Variants in UNC13A observed in about 807,000 individuals in gnomAD.
The protein encoded by UNC13A is unc-13 homolog A, also known as protein unc-13 homolog A.
UNC13A carries 61 observed loss-of-function variants against 219.7 expected under a neutral mutation model. The ratio of observed to expected loss-of-function variants is 0.28; its 90% confidence interval spans 0.23 to 0.34. The LOEUF (loss-of-function observed/expected upper bound fraction) is 0.34, where lower values mean the gene tolerates loss of function less well. UNC13A is among the 10% of genes least tolerant of loss of function. UNC13A has a pLI of 1.00. For synonymous variants in UNC13A, 920 were observed against 884.6 expected (o/e 1.04, Z -0.71); for missense variants, 1,476 against 2,270.3 (o/e 0.65, Z 7.11).
intron 19 of UNC13A, among the ~76,000 whole-genome samples, chr19:17,643,247 G>A (rs1214196296): frequency 6.6e-6 from 1 of 151,982 alleles, no homozygotes; most frequent in African/African-American, 2.4e-5. Flanking sequence ...CCTTACCTCA[G>A]GTGATCCACC....
At chr19:17,640,359 A>C (rs1217814744) in intron 22 of UNC13A, among the ~76,000 whole-genome samples, 152 bp downstream of exon 22, 3 of 152,160 alleles carry the variant, frequency 2.0e-5, no homozygotes, top group Non-Finnish European at 4.4e-5. Flanking sequence ...AGCATTCTAC[A>C]GAGGAATAAA....
In UNC13A at chr19:17,658,042, C is replaced by T; in HGVS notation, c.767+20G>A. ...AGACACAGCAGGACCCACATGCATG[C>T]TGCACTCCGCAGCACCTACCTGAGG... On this transcript the variant is annotated intron_variant, in intron 9 of 43. Coordinates refer to ENST00000519716, the MANE Select transcript of UNC13A (RefSeq NM_001080421.3). 1 of 1,610,044 alleles carries T rather than the reference C, an allele frequency of 6.2e-7. No individual in the cohort carries two copies. The highest frequency in any genetic ancestry group is 8.5e-7 in the Non-Finnish European group (1 of 1,178,144).
At chr19:17,688,154 C>G (rs1183938680) in intron 1 of UNC13A, 24 bp downstream of exon 1, 1 of 1,527,620 alleles carries the variant, frequency 6.5e-7, no homozygotes, top group Non-Finnish European at 8.8e-7. Flanking sequence ...CACGGGTCCC[C>G]CGACCCCCAG....
chr19:17,651,841 G>A (rs1438548750), intron 12 of UNC13A, among the ~76,000 whole-genome samples: 1 of 152,084 alleles, frequency 6.6e-6, no homozygotes, highest in Non-Finnish European at 1.5e-5. Context: ...GTACAAGGAA[G>A]GTCACTATCG....
chr19:17,686,205 A>G (rs2080105197), intron 1 of UNC13A, among the ~76,000 whole-genome samples: 2 of 148,754 alleles, frequency 1.3e-5, no homozygotes, highest in Non-Finnish European at 3.0e-5. Flanking sequence ...CTGTTTCTGG[A>G]AGCCTCATCC....
At position 17,648,091 on chromosome 19, in the gene UNC13A, A is replaced by G. The variant is rs1007321069; in HGVS notation, c.1816+340T>C. Among the ~76,000 whole-genome samples, 5 of 127,048 alleles carry G rather than the reference A, an allele frequency of 3.9e-5. No homozygotes were observed. In the South Asian group the frequency reaches 1.3e-3, roughly 33 times the overall value. 83.3% of individuals were successfully genotyped at this position (127,048 alleles called of 152,430 possible). A position where few individuals can be genotyped will look rare whatever the true frequency, so the allele number is the denominator to read the frequency against. ...CTGAGCCCCTCTTCCTCTCAGAGCT[A>G]CCCCTAGCTAACCCATTTTATCCAG... On this transcript the variant is annotated intron_variant, in intron 16 of 43. Coordinates refer to ENST00000519716, the MANE Select transcript of UNC13A (RefSeq NM_001080421.3).
chr19:17,613,541 A>C (rs2076626757), intron 41 of UNC13A, among the ~76,000 whole-genome samples: 3 of 150,578 alleles, frequency 2.0e-5, no homozygotes, highest in African/African-American at 4.9e-5. Context: ...ACCTCTCCCC[A>C]CTCACCCCAT....
intron 6 of UNC13A, 117 bp from the exon 7 acceptor site, chr19:17,666,821 C>G: frequency 1.6e-6 from 1 of 609,906 alleles, no homozygotes; most frequent in Admixed American, 4.3e-5. Context: ...AATTCTCTCC[C>G]TCTCTATGAG....
intron 8 of UNC13A, among the ~76,000 whole-genome samples, chr19:17,660,649 A>T (rs759785758): frequency 6.0e-5 from 9 of 150,908 alleles, no homozygotes; most frequent in Non-Finnish European, 1.3e-4. Flanking sequence ...CTCCTGCCTC[A>T]GCCTCCCGAG....
Position 17,630,182 on chromosome 19 carries a change from G to A in UNC13A, c.3632C>T (p.Pro1211Leu). Reference sequence around the variant, plus strand: ...CCTCATGTAGTGCCCCACGATCTGAGGGTCGGGACACTCGAGTTTCTTGAT... The same window carrying A: ...CCTCATGTAGTGCCCCACGATCTGAAGGTCGGGACACTCGAGTTTCTTGAT... ...EIIKKLECPD[P>L]QIVGHYMRRF... Residue 1211 changes from proline to leucine, a missense_variant, in exon 30 of 44, where the codon CCT becomes CTT. Physicochemically the swap from Pro to Leu is moderately conservative, Grantham distance 98. Around this residue, in one of 14 missense-constraint regions of UNC13A, gnomAD observed 218 missense variants for 409.4 expected, o/e 0.53. Coordinates refer to ENST00000519716, the MANE Select transcript of UNC13A (RefSeq NM_001080421.3). 1 of 1,552,200 alleles carries A rather than the reference G, an allele frequency of 6.4e-7. No individual in the cohort carries two copies. Among genetic ancestry groups the A allele is most frequent in the Non-Finnish European group, 8.7e-7 (1 of 1,147,148 alleles).
Position 17,649,239 on chromosome 19 carries a change from C to T in UNC13A, c.1524+100G>A. 2 of 1,521,396 alleles carry T rather than the reference C, an allele frequency of 1.3e-6. No individual in the cohort carries two copies. The highest frequency in any genetic ancestry group is 1.8e-6 in the Non-Finnish European group (2 of 1,133,418). The allele number at this position is 1,521,396 out of a possible 1,614,324, so 94.2% of individuals were successfully genotyped here. A position where few individuals can be genotyped will look rare whatever the true frequency, so the allele number is the denominator to read the frequency against. On this transcript the variant is annotated intron_variant, in intron 14 of 43. Coordinates refer to ENST00000519716, the MANE Select transcript of UNC13A (RefSeq NM_001080421.3). The surrounding 1 kb of genome is among the most constrained non-coding windows in gnomAD (Gnocchi z 4.4). ...CAGCATCCAACACAGTGGGACATGG[C>T]AAGGTTCCCCCATAATCCATGAATT... is the stretch of plus-strand genomic sequence containing the variant.
chr19:17,640,030 T>A, intron 22 of UNC13A, 122 bp from the exon 23 acceptor site: 1 of 991,436 alleles, frequency 1.0e-6, no homozygotes, highest in Non-Finnish European at 1.5e-6. Flanking sequence ...ATTTCCATTC[T>A]ATGGCATTTT....
intron 3 of UNC13A, among the ~76,000 whole-genome samples, chr19:17,673,377 T>C (rs1482186480): frequency 7.4e-6 from 1 of 134,686 alleles, no homozygotes; most frequent in Non-Finnish European, 1.6e-5. Flanking sequence ...AAAAAAAGTA[T>C]ATATATATCT....
intron 28 of UNC13A, among the ~76,000 whole-genome samples, chr19:17,631,154 T>TCTCCGTCC (rs1555778839): frequency 2.1e-4 from 9 of 43,880 alleles, no homozygotes; most frequent in Admixed American, 1.2e-3. Flanking sequence ...GCTCTTGTTT[T>TCTCCGTCC]CTCCCTCCCT....
chr19:17,654,972 C>T lies in UNC13A; in HGVS notation c.1392+302G>A, dbSNP rs934641662. 5.9e-5 allele frequency among the ~76,000 whole-genome samples: 9 copies of T among 152,216 alleles called. No individual in the cohort carries two copies. In the South Asian group the frequency reaches 6.2e-4, roughly 11 times the overall value. ...GTTAGCATAGCCAGGCTGGTGTGGA[C>T]GGGCCATGGGGATACCCTGGGCTGT... On this transcript the variant is annotated intron_variant, in intron 11 of 43. Transcript: ENST00000519716.
At chr19:17,616,526 G>A (rs2076666231) in intron 41 of UNC13A, 3 of 658,188 alleles carry the variant, frequency 4.6e-6, no homozygotes, top group Middle Eastern at 2.5e-4. Flanking sequence ...GGGGAGAGAC[G>A]AGCCAGTGAG....
At chr19:17,651,388 T>A (rs1235349277) in intron 12 of UNC13A, among the ~76,000 whole-genome samples, 3 of 152,104 alleles carry the variant, frequency 2.0e-5, no homozygotes, top group Non-Finnish European at 4.4e-5. Flanking sequence ...CACACCTGGC[T>A]AATTTTTTGT....
chr19:17,672,256 C>T, intron 4 of UNC13A, 122 bp downstream of exon 4: 1 of 791,146 alleles, frequency 1.3e-6, no homozygotes, highest in East Asian at 2.7e-5. Context: ...GTGGCAATCC[C>T]AAGTGTCTAC....
In UNC13A at chr19:17,627,565, C is replaced by A; in HGVS notation, c.3864G>T (p.Glu1288Asp). ...LDAEASDILK[E>D]LQVKLNNVLD... Reference sequence around the variant, plus strand: ...AGACGTTATTGAGTTTCACCTGAAGCTCCTTCAGGATGTCACTGGCTTCAG... The same window carrying A: ...AGACGTTATTGAGTTTCACCTGAAGATCCTTCAGGATGTCACTGGCTTCAG... Residue 1288 changes from glutamate to aspartate, a missense_variant, in exon 33 of 44, where the codon GAG becomes GAT. Coordinates refer to ENST00000519716, the MANE Select transcript of UNC13A (RefSeq NM_001080421.3). This position sits in a 1 kb window ranked among gnomAD's most constrained non-coding sequence, Gnocchi z 4.7. 1 of 1,563,508 alleles carries A rather than the reference C, an allele frequency of 6.4e-7. No individual in the cohort carries two copies. The highest frequency in any genetic ancestry group is 8.7e-7 in the Non-Finnish European group (1 of 1,153,060).
Sources: allele counts gnomAD v4.1 joint callset (sites outside exome capture counted in the v4.1 genomes callset), GRCh38; gene constraint gnomAD v4.1.1; regional missense constraint gnomAD v4.1.1; non-coding constraint Gnocchi (gnomAD v3.1); transcripts MANE v1.5; gene names NCBI Gene and HGNC (gene_info 2026-07-23, HGNC 2026-07-21).